AGBL1: variants seen among roughly 807,000 people sequenced by gnomAD.
The protein encoded by AGBL1 is cytosolic carboxypeptidase 4.
In AGBL1, 130 loss-of-function variants were observed where a neutral mutation model predicts 118.9. The observed-to-expected ratio is 1.09, with a 90% CI of 0.95 to 1.26. AGBL1 has a LOEUF of 1.26. AGBL1 is among the 50% of genes most tolerant of loss of function. The probability of loss-of-function intolerance (pLI) is 0.00; values close to 1 mark genes in which losing one functional copy is unlikely to be tolerated. For synonymous variants in AGBL1, 555 were observed against 478.9 expected (o/e 1.16, Z -2.08); for missense variants, 1,584 against 1,298.1 (o/e 1.22, Z -3.38).
At chr15:86,337,735 G>A (rs2080395403) in intron 17 of AGBL1, among the ~76,000 whole-genome samples, 1 of 152,142 alleles carries the variant, frequency 6.6e-6, no homozygotes, top group Non-Finnish European at 1.5e-5. Context: ...GAGAGCATTA[G>A]GGAAAAAGCT....
chr15:86,156,692 G>A (rs930469843), intron 4 of AGBL1, among the ~76,000 whole-genome samples: 2 of 151,904 alleles, frequency 1.3e-5, no homozygotes, highest in Non-Finnish European at 2.9e-5. Flanking sequence ...AGTAGAATGA[G>A]TACAGATATG....
At chr15:86,731,996 G>A (rs919920741) in intron 22 of AGBL1, among the ~76,000 whole-genome samples, 1 of 152,136 alleles carries the variant, frequency 6.6e-6, no homozygotes, top group Non-Finnish European at 1.5e-5. Context: ...GCTTTGTCTG[G>A]TTATCACATG....
In AGBL1 at chr15:86,936,240, A is replaced by ATGTGTGTG. The variant is rs767265459; in HGVS notation, c.3222-51726_3222-51719dup. Among the ~76,000 whole-genome samples the ATGTGTGTG allele has an allele frequency of 1.2e-4, 16 of 134,032 alleles. No homozygotes were observed. The South Asian group carries it at 1.3e-3, about 11-fold the overall frequency. 87.9% of individuals were successfully genotyped at this position (134,032 alleles called of 152,430 possible). A position where few individuals can be genotyped will look rare whatever the true frequency, so the allele number is the denominator to read the frequency against. ...AAATTGTAAACAGCAGTGTGTATGT[A>ATGTGTGTG]TGTGTGTGTGTGTGTGTGTGTGTGT... On this transcript the variant is annotated intron_variant, in intron 23 of 24. Coordinates refer to the AGBL1 transcript ENST00000441037.
At chr15:86,121,676 C>G (rs1898103296) in intron 1 of AGBL1, among the ~76,000 whole-genome samples, 1 of 152,222 alleles carries the variant, frequency 6.6e-6, no homozygotes. Context: ...ACCCACGTTT[C>G]TAAAAGTGTC....
chr15:86,147,217 C>G (rs1218360254), intron 3 of AGBL1, among the ~76,000 whole-genome samples: 1 of 152,128 alleles, frequency 6.6e-6, no homozygotes, highest in Non-Finnish European at 1.5e-5. Context: ...TGGGTGATTA[C>G]TGCATTTCCA....
In AGBL1 at chr15:86,915,437, T is replaced by C. The variant is rs2080407272; in HGVS notation, c.*8143T>C. On this transcript the variant is annotated 3_prime_UTR_variant, in exon 23 of 23. Coordinates refer to ENST00000614907, the MANE Select transcript of AGBL1 (RefSeq NM_001386094.1). ...CTGTTAAAGTCATAAAAACTTACTT[T>C]CAATTCTCAGAAAGCACCTTACTCT... 6.6e-6 allele frequency: 1 copy of C among 152,212 alleles called. No individual in the cohort carries two copies. The highest frequency in any genetic ancestry group is 6.5e-5 in the Admixed American group (1 of 15,278). 9.4% of individuals were successfully genotyped at this position (152,212 alleles called of 1,614,324 possible).
chr15:86,824,191 CTACCCAA>C (rs2078976868), intron 22 of AGBL1, among the ~76,000 whole-genome samples: 1 of 152,048 alleles, frequency 6.6e-6, no homozygotes, highest in Non-Finnish European at 1.5e-5. Context: ...GGAATCTATC[CTACCCAA>C]TACCCCCCAA....
At chr15:86,632,492 C>G (rs2084990719) in intron 21 of AGBL1, among the ~76,000 whole-genome samples, 1 of 152,068 alleles carries the variant, frequency 6.6e-6, no homozygotes, top group Non-Finnish European at 1.5e-5. Flanking sequence ...GTAGTTGCAA[C>G]TCATGAGAAA....
intron 2 of AGBL1, among the ~76,000 whole-genome samples, chr15:86,142,836 G>C (rs2076981610): frequency 6.6e-6 from 1 of 152,192 alleles, no homozygotes; most frequent in Admixed American, 6.5e-5. Flanking sequence ...TTGTCCAGAG[G>C]TGTCTGAAAC....
intron 23 of AGBL1, chr15:86,939,611 C>A (rs2010658): frequency 0.64 from 96,681 of 152,002 alleles, 31,509 homozygotes; most frequent in South Asian, 0.84. Flanking sequence ...TCCTGTTAGT[C>A]CTGTCCCTCT....
At chr15:86,221,363 C>T (rs968102173) in intron 5 of AGBL1, among the ~76,000 whole-genome samples, 1 of 152,212 alleles carries the variant, frequency 6.6e-6, no homozygotes, top group East Asian at 1.9e-4. Context: ...ATGGGCTTGG[C>T]TCTTGGAGTG....
chr15:86,940,060 CTTTTTTTTTTTTTTTT>C (rs5814267), intron 23 of AGBL1, among the ~76,000 whole-genome samples: 2 of 59,418 alleles, frequency 3.4e-5, no homozygotes, highest in African/African-American at 6.2e-5. Flanking sequence ...TTTGGTAGTC[CTTTTTTTTTTTTTTTT>C]TTTTTTTTTT....
chr15:86,471,116 A>C (rs1045289757), intron 18 of AGBL1, among the ~76,000 whole-genome samples: 3 of 152,150 alleles, frequency 2.0e-5, no homozygotes, highest in African/African-American at 7.2e-5. Context: ...CTAAGAGGAA[A>C]ATCTTTCACT....
chr15:86,280,836 C>T (rs1472780799), intron 16 of AGBL1, among the ~76,000 whole-genome samples: 2 of 152,184 alleles, frequency 1.3e-5, no homozygotes, highest in East Asian at 3.9e-4. Context: ...TCCTCTTCTC[C>T]ATATGTTGTC....
intron 18 of AGBL1, among the ~76,000 whole-genome samples, chr15:86,472,222 G>A (rs964842620): frequency 2.0e-5 from 3 of 152,198 alleles, no homozygotes; most frequent in Non-Finnish European, 4.4e-5. Context: ...TGTTCCAGCA[G>A]CCCCAGGAAA....
At chr15:86,550,108 G>C (rs934724946) in intron 20 of AGBL1, among the ~76,000 whole-genome samples, 6 of 151,838 alleles carry the variant, frequency 4.0e-5, no homozygotes, top group African/African-American at 1.2e-4. Flanking sequence ...AGACCTATAG[G>C]ATAGCATAAA....
At chr15:86,106,199 T>A (rs1203151841) in intron 1 of AGBL1, among the ~76,000 whole-genome samples, 1 of 152,236 alleles carries the variant, frequency 6.6e-6, no homozygotes, top group Non-Finnish European at 1.5e-5. Context: ...GTAGTAAATG[T>A]GGTGCTTACA....
chr15:86,923,758 G>T (rs72754050), intron 23 of AGBL1, among the ~76,000 whole-genome samples: 5,645 of 152,186 alleles, frequency 0.037, 140 homozygotes, highest in Middle Eastern at 0.068. Flanking sequence ...CTGACAAAAT[G>T]CTCCCTATAA....
At chr15:86,110,799 G>A (rs1012639577) in intron 1 of AGBL1, among the ~76,000 whole-genome samples, 4 of 152,170 alleles carry the variant, frequency 2.6e-5, no homozygotes, top group East Asian at 1.9e-4. Context: ...GTTTCTGAAC[G>A]AGCCTAGCAG....
Sources: gnomAD v4.1 joint callset for allele counts (sites outside exome capture counted in the v4.1 genomes callset) on GRCh38, gnomAD v4.1.1 for gene constraint, MANE v1.5 for transcripts, NCBI Gene and HGNC (gene_info 2026-07-23, HGNC 2026-07-21) for gene names.